The following JAKMIP2 variants were observed in gnomAD, a reference collection of about 807,000 sequenced individuals.
The protein encoded by JAKMIP2 is janus kinase and microtubule-interacting protein 2.
Under a neutral mutation model 115.0 loss-of-function variants are expected in JAKMIP2, and 25 were observed. The observed-to-expected ratio is 0.22, with a 90% CI of 0.16 to 0.30. JAKMIP2 has a LOEUF of 0.30. Ranked by LOEUF, JAKMIP2 falls within the 10% of genes least tolerant of loss-of-function variation. JAKMIP2 has a pLI of 1.00. For synonymous variants in JAKMIP2, 334 were observed against 343.6 expected (o/e 0.97, Z 0.31); for missense variants, 642 against 957.6 (o/e 0.67, Z 4.35).
At chr5:147,647,510 A>T (rs543132768) in intron 5 of JAKMIP2, among the ~76,000 whole-genome samples, 1 of 152,316 alleles carries the variant, frequency 6.6e-6, no homozygotes, top group South Asian at 2.1e-4. Context: ...TAAAGGCAGC[A>T]TAACAGAAAA....
chr5:147,681,125 C>T (rs1309866684), intron 1 of JAKMIP2, among the ~76,000 whole-genome samples: 1 of 152,100 alleles, frequency 6.6e-6, no homozygotes, highest in East Asian at 1.9e-4. Flanking sequence ...AGTTATTACT[C>T]ATGATAAATA....
chr5:147,640,300 A>G (rs1529687), intron 9 of JAKMIP2, among the ~76,000 whole-genome samples: 33,427 of 152,046 alleles, frequency 0.22, 4,641 homozygotes, highest in East Asian at 0.58. Context: ...TGCATGGTAG[A>G]GTCCAGGACT....
chr5:147,704,710 A>G (rs1483660196), intron 1 of JAKMIP2, among the ~76,000 whole-genome samples: 1 of 152,168 alleles, frequency 6.6e-6, no homozygotes, highest in Non-Finnish European at 1.5e-5. Flanking sequence ...AAGTCAAGTC[A>G]AGCAGAGGTT....
intron 1 of JAKMIP2, among the ~76,000 whole-genome samples, chr5:147,766,526 T>C (rs564585140): frequency 4.6e-5 from 7 of 152,198 alleles, no homozygotes; most frequent in Non-Finnish European, 8.8e-5. Context: ...CTGTGTCACA[T>C]TGCTTTACTC....
At chr5:147,716,550 G>C (rs1335305066) in intron 1 of JAKMIP2, among the ~76,000 whole-genome samples, 1 of 152,118 alleles carries the variant, frequency 6.6e-6, no homozygotes, top group African/African-American at 2.4e-5. Flanking sequence ...ACTGGTGTGA[G>C]ATGGTATCTC....
Position 147,586,585 on chromosome 5 carries a change from G to A in JAKMIP2, c.*5122C>T, listed in dbSNP as rs914196454. ...AACAAGGATGAAAATATAAGCATGG[G>A]TACAAAGACCGTAATGCAGAAAAAA... is the stretch of plus-strand genomic sequence containing the variant. On this transcript the variant is annotated 3_prime_UTR_variant, in exon 22 of 22. Transcript: ENST00000616793. 6.6e-6 allele frequency: 1 copy of A among 151,872 alleles called. No individual in the cohort carries two copies. Among genetic ancestry groups the A allele is most frequent in the African/African-American group, 2.4e-5 (1 of 41,326 alleles). The allele number at this position is 151,872 out of a possible 1,614,324, so 9.4% of individuals were successfully genotyped here.
chr5:147,714,903 T>C (rs1752912877), intron 1 of JAKMIP2, among the ~76,000 whole-genome samples: 1 of 152,090 alleles, frequency 6.6e-6, no homozygotes, highest in Admixed American at 6.6e-5. Flanking sequence ...ATGTTACTTA[T>C]ACAAAAGGGA....
chr5:147,678,197 T>C (rs895670901), intron 1 of JAKMIP2, among the ~76,000 whole-genome samples: 1 of 151,914 alleles, frequency 6.6e-6, no homozygotes, highest in African/African-American at 2.4e-5. Context: ...AAAGATGGGG[T>C]TTCACCATGT....
chr5:147,780,554 A>T (rs997040783), intron 1 of JAKMIP2, among the ~76,000 whole-genome samples: 1 of 152,206 alleles, frequency 6.6e-6, no homozygotes, highest in Admixed American at 6.5e-5. Context: ...TATAACATAC[A>T]AGCCCAGTAC....
chr5:147,754,852 A>T (rs1459315658), intron 1 of JAKMIP2, among the ~76,000 whole-genome samples: 1 of 152,204 alleles, frequency 6.6e-6, no homozygotes, highest in Non-Finnish European at 1.5e-5. Flanking sequence ...AAATGCTATC[A>T]CAAGGTAGGG....
rs553995539 is a variant in JAKMIP2 at position 147,679,155 on chromosome 5, AT to A, written c.-148-7202del. 4.6e-4 allele frequency among the ~76,000 whole-genome samples: 70 copies of A among 151,970 alleles called. No homozygotes were observed. In the South Asian group the frequency reaches 0.014, roughly 30 times the overall value. On this transcript the variant is annotated intron_variant, in intron 1 of 21. Coordinates refer to ENST00000616793, the MANE Select transcript of JAKMIP2 (RefSeq NM_001270941.2). ...ACCAACATGCCCGGCTAATTTTTGT[AT>A]TTTTAGTAGAGATGGGGTTTCTGTA... is the stretch of plus-strand genomic sequence containing the variant.
intron 3 of JAKMIP2, among the ~76,000 whole-genome samples, chr5:147,651,156 A>T (rs1758377898): frequency 7.3e-6 from 1 of 136,914 alleles, no homozygotes; most frequent in South Asian, 2.2e-4. Context: ...GCCAGTTCTT[A>T]GCAACCATTT....
intron 20 of JAKMIP2, among the ~76,000 whole-genome samples, chr5:147,606,357 G>T (rs890882799): frequency 6.6e-6 from 1 of 152,118 alleles, no homozygotes; most frequent in South Asian, 2.1e-4. Context: ...GTTAATTTTC[G>T]TATAAGGTGT....
intron 2 of JAKMIP2, among the ~76,000 whole-genome samples, chr5:147,670,454 G>T (rs1042488776): frequency 6.6e-6 from 1 of 152,144 alleles, no homozygotes; most frequent in Non-Finnish European, 1.5e-5. Flanking sequence ...TCTTATGAAT[G>T]CTGGAGATTT....
At chr5:147,654,085 C>A (rs1352763994) in intron 3 of JAKMIP2, among the ~76,000 whole-genome samples, 2 of 151,734 alleles carry the variant, frequency 1.3e-5, no homozygotes, top group Non-Finnish European at 2.9e-5. Flanking sequence ...TGTTTTGGTA[C>A]CAGTACTATG....
At chr5:147,641,841 T>C in intron 7 of JAKMIP2, 77 bp from the exon 8 acceptor site, 1 of 1,222,364 alleles carries the variant, frequency 8.2e-7, no homozygotes, top group Non-Finnish European at 1.2e-6. Flanking sequence ...GACAGAGTGT[T>C]CTTTCCCATA....
chr5:147,693,208 C>A (rs1483418485), intron 1 of JAKMIP2, among the ~76,000 whole-genome samples: 1 of 152,172 alleles, frequency 6.6e-6, no homozygotes, highest in Non-Finnish European at 1.5e-5. Flanking sequence ...TAAAGGCCAG[C>A]TCTTATCTCT....
chr5:147,661,625 G>A, intron 2 of JAKMIP2, 180 bp from the exon 3 acceptor site: 1 of 602,242 alleles, frequency 1.7e-6, no homozygotes, highest in Non-Finnish European at 2.9e-6. Context: ...TGTGTAAGAG[G>A]AGGAAATACC....
intron 1 of JAKMIP2, among the ~76,000 whole-genome samples, chr5:147,689,521 T>C (rs914710381): frequency 1.3e-5 from 2 of 152,142 alleles, no homozygotes; most frequent in African/African-American, 4.8e-5. Flanking sequence ...TAGGACTAGA[T>C]GCAAGCTGAT....
Sources: gnomAD v4.1 joint callset for allele counts (sites outside exome capture counted in the v4.1 genomes callset) on GRCh38, gnomAD v4.1.1 for gene constraint, MANE v1.5 for transcripts, NCBI Gene and HGNC (gene_info 2026-07-23, HGNC 2026-07-21) for gene names.